Variants in PDE1C observed in about 807,000 individuals in gnomAD.
PDE1C encodes the protein dual specificity calcium/calmodulin-dependent 3',5'-cyclic nucleotide phosphodiesterase 1C.
Under a neutral mutation model 93.1 loss-of-function variants are expected in PDE1C, and 62 were observed. The ratio of observed to expected loss-of-function variants is 0.67; its 90% CI spans 0.54 to 0.82. The LOEUF is 0.82. Ranked by LOEUF, PDE1C falls within the 40% of genes least tolerant of loss-of-function variation. PDE1C has a pLI of 0.00. For synonymous variants in PDE1C, 325 were observed against 310.1 expected (o/e 1.05, Z -0.50); for missense variants, 742 against 884.6 (o/e 0.84, Z 2.04).
intron 3 of PDE1C, among the ~76,000 whole-genome samples, chr7:32,080,603 C>T (rs911304905): frequency 6.6e-6 from 1 of 152,142 alleles, no homozygotes; most frequent in South Asian, 2.1e-4. Context: ...AATTACTGTT[C>T]CTTGCACCCT....
intron 14 of PDE1C, among the ~76,000 whole-genome samples, 162 bp downstream of exon 14, chr7:31,822,911 T>C (rs1436505684): frequency 6.6e-6 from 1 of 152,192 alleles, no homozygotes; most frequent in East Asian, 1.9e-4. Flanking sequence ...TTATCATGCA[T>C]TGATTCGTAG....
intron 3 of PDE1C, among the ~76,000 whole-genome samples, chr7:32,082,687 C>T (rs7808232): frequency 0.62 from 94,778 of 151,650 alleles, 29,961 homozygotes; most frequent in African/African-American, 0.71. Flanking sequence ...GCAGCATTCG[C>T]GGTTCACCAA....
intron 17 of PDE1C, among the ~76,000 whole-genome samples, chr7:31,774,242 G>C (rs972145789): frequency 1.3e-5 from 2 of 152,060 alleles, no homozygotes; most frequent in Non-Finnish European, 2.9e-5. Flanking sequence ...TCTCAGAATG[G>C]ATGAAATATG....
At chr7:31,760,612 G>A (rs1468366317) in intron 17 of PDE1C, among the ~76,000 whole-genome samples, 2 of 152,120 alleles carry the variant, frequency 1.3e-5, no homozygotes, top group Admixed American at 6.5e-5. Flanking sequence ...TCTACTTGGA[G>A]CTTTTGAGTA....
At chr7:32,062,536 A>T (rs548405280) in intron 1 of PDE1C, among the ~76,000 whole-genome samples, 1 of 152,198 alleles carries the variant, frequency 6.6e-6, no homozygotes, top group East Asian at 1.9e-4. Flanking sequence ...CTTAACTACA[A>T]TTTACATAAT....
At chr7:31,667,622 T>C in the PDE1C span, among the ~76,000 whole-genome samples, 1 of 140,806 alleles carries the variant, frequency 7.1e-6, no homozygotes, top group African/African-American at 2.8e-5. Flanking sequence ...AGTGTATGAA[T>C]AGACAAGTAA....
chr7:31,970,484 A>T (rs1203466160), intron 2 of PDE1C, among the ~76,000 whole-genome samples: 1 of 152,204 alleles, frequency 6.6e-6, no homozygotes, highest in Non-Finnish European at 1.5e-5. Flanking sequence ...AAGCCAAAAA[A>T]CGCATGGGCA....
At chr7:31,988,930 G>A (rs746294832) in intron 2 of PDE1C, among the ~76,000 whole-genome samples, 10 of 148,306 alleles carry the variant, frequency 6.7e-5, no homozygotes, top group Non-Finnish European at 1.5e-4. Flanking sequence ...AGGAAGCAGA[G>A]GTTGTGGTGA....
intron 2 of PDE1C, among the ~76,000 whole-genome samples, chr7:31,924,332 T>C (rs760179593): frequency 3.3e-5 from 5 of 152,250 alleles, no homozygotes; most frequent in Non-Finnish European, 7.4e-5. Flanking sequence ...AAATGATGGG[T>C]AGGGGCATCT....
At chr7:32,354,471 AT>A (rs971352402) in intron 1 of PDE1C, among the ~76,000 whole-genome samples, 15 of 152,100 alleles carry the variant, frequency 9.9e-5, no homozygotes, top group Admixed American at 6.5e-5. Context: ...ACACAAAAAA[AT>A]TTTTTAATAT....
chr7:31,893,765 A>C (rs1798926689), intron 2 of PDE1C, among the ~76,000 whole-genome samples: 1 of 152,118 alleles, frequency 6.6e-6, no homozygotes, highest in Admixed American at 6.6e-5. Flanking sequence ...CTGTTGAATC[A>C]ATCTGGACAA....
At chr7:32,409,912 C>T (rs1785130906) in intron 1 of PDE1C, among the ~76,000 whole-genome samples, 1 of 151,718 alleles carries the variant, frequency 6.6e-6, no homozygotes, top group South Asian at 2.1e-4. Flanking sequence ...CAAATGTATA[C>T]AGATTCTAAT....
intron 2 of PDE1C, among the ~76,000 whole-genome samples, chr7:32,008,269 G>C (rs1786543758): frequency 6.6e-6 from 1 of 152,080 alleles, no homozygotes; most frequent in South Asian, 2.1e-4. Flanking sequence ...CCTAGTTTCT[G>C]CCTCTTGACT....
chr7:31,632,894 A>T, the PDE1C span, among the ~76,000 whole-genome samples: 1 of 151,178 alleles, frequency 6.6e-6, no homozygotes, highest in Non-Finnish European at 1.5e-5. Context: ...TCATTCATTT[A>T]TTTATTTATT....
At chr7:32,308,691 G>C (rs1379624772) in intron 1 of PDE1C, among the ~76,000 whole-genome samples, 2 of 152,204 alleles carry the variant, frequency 1.3e-5, no homozygotes, top group Non-Finnish European at 2.9e-5. Context: ...TGAGGGTCCT[G>C]TCTGTTAGAA....
At chr7:32,342,630 G>T (rs904291332) in intron 1 of PDE1C, among the ~76,000 whole-genome samples, 1 of 152,178 alleles carries the variant, frequency 6.6e-6, no homozygotes, top group Admixed American at 6.5e-5. Context: ...ATAGTATGGT[G>T]TAGTGGTTAG....
chr7:32,427,935 G>C (rs1255061799), exon 1 of PDE1C: 1 of 152,368 alleles, frequency 6.6e-6, no homozygotes, highest in African/African-American at 2.4e-5. Flanking sequence ...ATGTCTCGCC[G>C]CGGGCTGTGC....
chr7:32,344,123 G>A (rs769005237), intron 1 of PDE1C, among the ~76,000 whole-genome samples: 11 of 152,090 alleles, frequency 7.2e-5, no homozygotes, highest in Non-Finnish European at 1.5e-4. Flanking sequence ...ACCTGGGCTG[G>A]AGTGCATTAG....
intron 1 of PDE1C, among the ~76,000 whole-genome samples, chr7:32,058,614 A>G (rs1374860026): frequency 6.6e-6 from 1 of 152,206 alleles, no homozygotes; most frequent in African/African-American, 2.4e-5. Flanking sequence ...CTGAGAATGG[A>G]AAGTCTTTGT....
Sources: gnomAD v4.1 joint callset for allele counts (sites outside exome capture counted in the v4.1 genomes callset) on GRCh38, gnomAD v4.1.1 for gene constraint, MANE v1.5 for transcripts, NCBI Gene and HGNC (gene_info 2026-07-23, HGNC 2026-07-21) for gene names.